Variants in RAVER2 observed in about 807,000 individuals in gnomAD.
RAVER2 encodes ribonucleoprotein, PTB binding 2.
In RAVER2, 46 loss-of-function variants were observed where a neutral mutation model predicts 78.1. That is an observed-to-expected ratio of 0.59 (90% CI 0.46 to 0.75). The LOEUF is 0.75. Among genes scored for constraint, RAVER2 ranks in the 30% least tolerant of loss-of-function variants. The pLI is 0.00. For missense variants in RAVER2, 793 were observed against 837.5 expected (o/e 0.95, Z 0.66); for synonymous variants, 311 against 313.3 (o/e 0.99, Z 0.08).
intron 8 of RAVER2, among the ~76,000 whole-genome samples, chr1:64,806,032 A>T (rs543235876): frequency 2.0e-5 from 3 of 152,220 alleles, no homozygotes; most frequent in Non-Finnish European, 4.4e-5. Flanking sequence ...ACGTTAGGGG[A>T]ACCAAAGTAT....
At chr1:64,773,797 A>G (rs1164213827) in intron 2 of RAVER2, among the ~76,000 whole-genome samples, 1 of 152,222 alleles carries the variant, frequency 6.6e-6, no homozygotes, top group Non-Finnish European at 1.5e-5. Flanking sequence ...ACTCCCACCA[A>G]CAGTGTAAAA....
At chr1:64,824,335 G>C (rs766106435) in intron 11 of RAVER2, among the ~76,000 whole-genome samples, 1 of 152,176 alleles carries the variant, frequency 6.6e-6, no homozygotes, top group Non-Finnish European at 1.5e-5. Flanking sequence ...GAAAATGAAT[G>C]CTTGGTCCTT....
rs376591892 is a variant in RAVER2, at chr1:64,802,978, G to A, written c.1108G>A (p.Val370Ile). Reference sequence around the variant, plus strand: ...TTTTTACTTTTATTTTCTCAAAGCCGTTCTTGGAACACCTCACAGCTTGCC... The same window carrying A: ...TTTTTACTTTTATTTTCTCAAAGCCATTCTTGGAACACCTCACAGCTTGCC... The change falls in exon 6 of 12, where the codon GTT (valine) becomes ATT (isoleucine). Residue 370 changes from valine to isoleucine, a missense_variant and splice_region_variant. Val to Ile is a conservative substitution (Grantham distance 29). Coordinates refer to ENST00000294428, the Ensembl canonical transcript of RAVER2. 3.8e-5 allele frequency: 60 copies of A among 1,595,954 alleles called. No homozygotes were observed. Among genetic ancestry groups the A allele is most frequent in the Non-Finnish European group, 4.8e-5 (56 of 1,170,976 alleles).
rs767055595 is a variant in RAVER2 at position 64,778,082 on chromosome 1, T to C, written c.776T>C (p.Val259Ala). The change falls in exon 3 of 12, where the codon GTG (valine) becomes GCG (alanine). Residue 259 changes from valine (V) to alanine (A), a missense_variant. By Grantham distance (64) the Val-to-Ala change is moderately conservative. Coordinates refer to ENST00000294428, the Ensembl canonical transcript of RAVER2. ...ATTTTTTCCAGTGTCCATAAACCTG[T>C]GTTTTGCCAGGTATGTATTTTTAAG... The C allele has an allele frequency of 3.7e-6, 6 of 1,600,780 alleles. No homozygotes were observed. The South Asian group carries it at 6.8e-5, about 18-fold the overall frequency.
exon 5 of RAVER2, chr1:64,789,490 T>G: frequency 3.1e-6 from 5 of 1,607,336 alleles, no homozygotes; most frequent in Non-Finnish European, 4.3e-6. Context: ...ACAGCCCCAG[T>G]TATGTGGACG....
intron 2 of RAVER2, among the ~76,000 whole-genome samples, chr1:64,770,234 A>G (rs554326829): frequency 6.6e-6 from 1 of 152,120 alleles, no homozygotes; most frequent in African/African-American, 2.4e-5. Flanking sequence ...GATATTGACA[A>G]CGGGATTAGA....
At chr1:64,766,947 T>G (rs925189749) in intron 1 of RAVER2, among the ~76,000 whole-genome samples, 3 of 152,158 alleles carry the variant, frequency 2.0e-5, no homozygotes, top group African/African-American at 7.2e-5. Flanking sequence ...AAAATTACCA[T>G]AGTAATATGT....
At chr1:64,789,601 G>A in intron 5 of RAVER2, 87 bp downstream of exon 5, 18 of 1,114,326 alleles carry the variant, frequency 1.6e-5, no homozygotes, top group Non-Finnish European at 2.1e-5. Flanking sequence ...AAAATACATT[G>A]ATTTGTGAAA....
At chr1:64,800,202 T>C (rs1270013711) in intron 5 of RAVER2, among the ~76,000 whole-genome samples, 6 of 152,036 alleles carry the variant, frequency 3.9e-5, no homozygotes, top group Admixed American at 1.3e-4. Context: ...GTCACATGAA[T>C]AATTTGCAGA....
chr1:64,788,114 C>T (rs1275751056), intron 4 of RAVER2, among the ~76,000 whole-genome samples: 3 of 152,156 alleles, frequency 2.0e-5, no homozygotes, highest in Admixed American at 6.5e-5. Context: ...TACTCGATTG[C>T]ATGTATGTAA....
rs1653474064 is a variant in RAVER2 at position 64,807,457 on chromosome 1, AC to A, written c.1664del (p.Thr555LysfsTer3). 6.2e-7 allele frequency: 1 copy of A among 1,614,006 alleles called. No homozygotes were observed. The highest frequency in any genetic ancestry group is 8.5e-7 in the Non-Finnish European group (1 of 1,179,976). ...GCAGCAGCAAAGCCAGCCAAAAGGC[AC>A]AGAGATAAGTTCAGGGGTAAGAAAA... On this transcript the variant is annotated frameshift_variant, in exon 9 of 12. Transcript: ENST00000294428. LOFTEE classifies it high-confidence loss of function.
At chr1:64,805,050 G>T in exon 8 of RAVER2, 1 of 1,614,018 alleles carries the variant, frequency 6.2e-7, no homozygotes, top group Non-Finnish European at 8.5e-7. Context: ...TAGGGATAGG[G>T]TCAGTGCTTC....
At chr1:64,759,476 C>T (rs1366758436) in intron 1 of RAVER2, among the ~76,000 whole-genome samples, 4 of 150,890 alleles carry the variant, frequency 2.7e-5, no homozygotes, top group African/African-American at 4.9e-5. Flanking sequence ...GCCTCGGCCT[C>T]CCAAAGTGCT....
At chr1:64,784,680 A>C (rs1652730885) in intron 4 of RAVER2, among the ~76,000 whole-genome samples, 1 of 152,326 alleles carries the variant, frequency 6.6e-6, no homozygotes. Flanking sequence ...ATTTCAAAGA[A>C]GACTTTTTTT....
At chr1:64,777,967 A>G in exon 3 of RAVER2, 1 of 1,614,102 alleles carries the variant, frequency 6.2e-7, no homozygotes, top group Non-Finnish European at 8.5e-7. Context: ...GATGGATGTT[A>G]ATCTATTGGC....
chr1:64,789,980 A>G (rs967191283), intron 5 of RAVER2, among the ~76,000 whole-genome samples: 4 of 152,180 alleles, frequency 2.6e-5, no homozygotes, highest in African/African-American at 9.6e-5. Flanking sequence ...TGAAAACATT[A>G]TTATTTTCTA....
At chr1:64,778,157 C>T in intron 3 of RAVER2, 65 bp downstream of exon 3, 1 of 1,155,914 alleles carries the variant, frequency 8.7e-7, no homozygotes, top group African/African-American at 1.6e-5. Context: ...AATCTACATA[C>T]ACTCACAAAT....
chr1:64,815,143 C>G lies in RAVER2; in HGVS notation c.1929+303C>G, dbSNP rs144516151. 7.7e-3 allele frequency: 1,333 copies of G among 174,030 alleles called. 23 individuals carry two copies. Among genetic ancestry groups the G allele is most frequent in the African/African-American group, 0.03 (1,284 of 42,424 alleles). 10.8% of individuals were successfully genotyped at this position (174,030 alleles called of 1,614,324 possible). On this transcript the variant is annotated intron_variant, in intron 11 of 11. Transcript: ENST00000294428. Reference sequence around the variant, plus strand: ...AATTTGTATTGTAATACAGCCATGTCCATTCATTAACATATTGTCTATGGT... The same window carrying G: ...AATTTGTATTGTAATACAGCCATGTGCATTCATTAACATATTGTCTATGGT...
intron 1 of RAVER2, among the ~76,000 whole-genome samples, chr1:64,755,589 A>G (rs1477160872): frequency 6.6e-6 from 1 of 151,434 alleles, no homozygotes; most frequent in African/African-American, 2.4e-5. Flanking sequence ...TCCTCAACCC[A>G]CTGCAGTGAT....
Sources: gnomAD v4.1 joint callset for allele counts (sites outside exome capture counted in the v4.1 genomes callset) on GRCh38, gnomAD v4.1.1 for gene constraint, MANE v1.5 for transcripts, NCBI Gene and HGNC (gene_info 2026-07-23, HGNC 2026-07-21) for gene names.